SRRM4: variants seen among roughly 807,000 people sequenced by gnomAD.
SRRM4 encodes serine/arginine repetitive matrix protein 4.
In SRRM4, 33 loss-of-function variants were observed where a neutral mutation model predicts 68.9. The observed-to-expected ratio is 0.48, with a 90% CI of 0.36 to 0.64. The LOEUF is 0.64. Ranked by LOEUF, SRRM4 falls within the 30% of genes least tolerant of loss-of-function variation. SRRM4 has a pLI of 0.00. For synonymous variants in SRRM4, 318 were observed against 318.8 expected, an observed-to-expected ratio of 1.00 and a Z score of 0.03; for missense variants, 817 against 827.1, an observed-to-expected ratio of 0.99 and a Z score of 0.15.
intron 1 of SRRM4, among the ~76,000 whole-genome samples, chr12:118,986,850 C>A (rs538916978): frequency 6.6e-6 from 1 of 152,012 alleles, no homozygotes; most frequent in Non-Finnish European, 1.5e-5. Flanking sequence ...GGGTCACATG[C>A]CTTCTTCTCC....
chr12:119,051,316 A>G (rs368526333), intron 1 of SRRM4, among the ~76,000 whole-genome samples: 1 of 152,334 alleles, frequency 6.6e-6, no homozygotes, highest in Non-Finnish European at 1.5e-5. Context: ...TCAACAGTTC[A>G]CAAAGTTGAG....
At position 118,995,375 on chromosome 12, in the gene SRRM4, A is replaced by C. The variant is rs181681204; in HGVS notation, c.131+13362A>C. 3.9e-5 allele frequency among the ~76,000 whole-genome samples: 6 copies of C among 152,292 alleles called. No homozygotes were observed. The East Asian group carries it at 9.7e-4, about 24-fold the overall frequency. On this transcript the variant is annotated intron_variant, in intron 1 of 12. Coordinates refer to ENST00000267260, the MANE Select transcript of SRRM4 (RefSeq NM_194286.4). ...GAACACCTGTTCTGCCAATCTCCTG[A>C]GATAAGGAAAGATGAGAAAACTTAG... is the stretch of plus-strand genomic sequence containing the variant.
intron 1 of SRRM4, among the ~76,000 whole-genome samples, chr12:119,086,613 G>A (rs149199645): frequency 6.6e-6 from 1 of 152,216 alleles, no homozygotes; most frequent in Non-Finnish European, 1.5e-5. Context: ...TGCAGTCTGG[G>A]CTTATGCAGA....
At chr12:119,122,816 G>A (rs1954231083) in intron 6 of SRRM4, among the ~76,000 whole-genome samples, 1 of 152,184 alleles carries the variant, frequency 6.6e-6, no homozygotes, top group South Asian at 2.1e-4. Flanking sequence ...TGAGCACATG[G>A]GTGCACGTGT....
chr12:119,124,076 GAAT>G (rs1346886882), intron 6 of SRRM4, among the ~76,000 whole-genome samples: 1 of 152,168 alleles, frequency 6.6e-6, no homozygotes, highest in Non-Finnish European at 1.5e-5. Flanking sequence ...TGTAAGATGG[GAAT>G]AATAAGAGAA....
At chr12:119,049,597 C>G (rs1953728505) in intron 1 of SRRM4, among the ~76,000 whole-genome samples, 1 of 152,144 alleles carries the variant, frequency 6.6e-6, no homozygotes, top group Admixed American at 6.5e-5. Context: ...TGAGATAATG[C>G]ATGTGGAGCT....
At chr12:119,011,078 C>T (rs1594025634) in intron 1 of SRRM4, among the ~76,000 whole-genome samples, 2 of 152,072 alleles carry the variant, frequency 1.3e-5, no homozygotes, top group East Asian at 1.9e-4. Context: ...GACAGCATCA[C>T]ATATGAAGAA....
intron 8 of SRRM4, among the ~76,000 whole-genome samples, chr12:119,131,916 G>A (rs12308536): frequency 0.022 from 3,330 of 152,228 alleles, 129 homozygotes; most frequent in African/African-American, 0.077. Context: ...GAAGGGTGAG[G>A]TGGAAGCAAG....
chr12:119,115,751 G>A (rs996550828), intron 3 of SRRM4, among the ~76,000 whole-genome samples: 3 of 152,128 alleles, frequency 2.0e-5, no homozygotes, highest in Admixed American at 2.0e-4. Context: ...TAATTGACTC[G>A]TTCATCCAGT....
chr12:119,140,220 CA>C (rs112869001), intron 8 of SRRM4, among the ~76,000 whole-genome samples: 2 of 151,536 alleles, frequency 1.3e-5, no homozygotes, highest in Non-Finnish European at 2.9e-5. Flanking sequence ...ACTAAAAATA[CA>C]AAAAAAATTA....
intron 1 of SRRM4, among the ~76,000 whole-genome samples, chr12:119,076,171 T>C (rs1251735279): frequency 1.3e-5 from 2 of 152,082 alleles, no homozygotes; most frequent in Admixed American, 1.3e-4. Context: ...ATGATGACAA[T>C]GATGATGATA....
chr12:118,982,072 C>G, intron 1 of SRRM4, 59 bp downstream of exon 1: 3 of 1,546,720 alleles, frequency 1.9e-6, no homozygotes. Flanking sequence ...GGCCTGTGCC[C>G]CAGAGCCCGG....
intron 7 of SRRM4, among the ~76,000 whole-genome samples, chr12:119,128,651 G>A (rs1436308533): frequency 6.6e-6 from 1 of 152,152 alleles, no homozygotes; most frequent in Admixed American, 6.6e-5. Flanking sequence ...CTTTTGGTGG[G>A]CAAAGGGATC....
intron 7 of SRRM4, among the ~76,000 whole-genome samples, chr12:119,126,834 AT>A (rs1954264261): frequency 6.6e-6 from 1 of 150,934 alleles, no homozygotes; most frequent in African/African-American, 2.4e-5. Context: ...GATAGACTGG[AT>A]TAAGAAAATG....
At chr12:119,032,548 T>C (rs1953598731) in intron 1 of SRRM4, among the ~76,000 whole-genome samples, 1 of 152,218 alleles carries the variant, frequency 6.6e-6, no homozygotes, top group South Asian at 2.1e-4. Flanking sequence ...CATTTCTCTC[T>C]TTAAAAACTT....
At chr12:119,131,148 T>TTTTG (rs749060383) in intron 8 of SRRM4, among the ~76,000 whole-genome samples, 3 of 152,118 alleles carry the variant, frequency 2.0e-5, no homozygotes, top group South Asian at 4.2e-4. Flanking sequence ...TAGGAGGATT[T>TTTTG]TTTGTTTGTT....
chr12:119,004,624 C>T (rs1953404847), intron 1 of SRRM4, among the ~76,000 whole-genome samples: 1 of 151,940 alleles, frequency 6.6e-6, no homozygotes, highest in East Asian at 2.0e-4. Flanking sequence ...AGGGCTCCAA[C>T]CCCCTTCTTT....
intron 8 of SRRM4, among the ~76,000 whole-genome samples, chr12:119,135,776 G>A (rs745654322): frequency 6.6e-6 from 1 of 152,192 alleles, no homozygotes; most frequent in Non-Finnish European, 1.5e-5. Flanking sequence ...GTAAAAAGCA[G>A]CTATTCAACA....
At chr12:119,012,382 A>G (rs1953455305) in intron 1 of SRRM4, among the ~76,000 whole-genome samples, 1 of 152,174 alleles carries the variant, frequency 6.6e-6, no homozygotes, top group African/African-American at 2.4e-5. Flanking sequence ...TCCCGAGAGG[A>G]TATCCCCTGA....
Sources: allele counts gnomAD v4.1 joint callset (sites outside exome capture counted in the v4.1 genomes callset), GRCh38; gene constraint gnomAD v4.1.1; transcripts MANE v1.5; gene names NCBI Gene and HGNC (gene_info 2026-07-23, HGNC 2026-07-21).